Variants in SYNPR observed in about 807,000 individuals in gnomAD.
SYNPR encodes the protein synaptoporin.
In SYNPR, 23 loss-of-function variants were observed where a neutral mutation model predicts 32.9. That is an observed-to-expected ratio of 0.70 (90% confidence interval 0.50 to 0.99). SYNPR has a LOEUF of 0.99. Among genes scored for constraint, SYNPR ranks in the 50% least tolerant of loss-of-function variants. SYNPR has a pLI of 0.00. For missense variants in SYNPR, 318 were observed against 349.3 expected (o/e 0.91, Z 0.71); for synonymous variants, 146 against 135.9 (o/e 1.07, Z -0.52).
At chr3:63,429,964 G>C (rs1699963514) in intron 2 of SYNPR, among the ~76,000 whole-genome samples, 1 of 152,216 alleles carries the variant, frequency 6.6e-6, no homozygotes, top group Non-Finnish European at 1.5e-5. Context: ...TTAGGCTCTA[G>C]GTAAGGACCA....
chr3:63,481,583 G>C (rs1448032977), intron 3 of SYNPR, among the ~76,000 whole-genome samples: 1 of 152,052 alleles, frequency 6.6e-6, no homozygotes, highest in African/African-American at 2.4e-5. Flanking sequence ...TAGTTTTTAA[G>C]AGTAGAGCTG....
In SYNPR at chr3:63,338,886, C is replaced by T. The variant is rs193085796; in HGVS notation, c.84+60144C>T. 3.0e-4 allele frequency among the ~76,000 whole-genome samples: 45 copies of T among 152,350 alleles called. 1 individual carries two copies. The highest frequency in any genetic ancestry group is 9.8e-4 in the Admixed American group (15 of 15,308). On this transcript the variant is annotated intron_variant, in intron 2 of 5. Coordinates refer to ENST00000478300, the MANE Select transcript of SYNPR (RefSeq NM_001130003.2). ...TACCTTGTCTCCTTCAACTCTTACTCAATGTTGTAGCTCCTTCATGGGCCA... is the reference window on the plus strand; with the variant it reads ...TACCTTGTCTCCTTCAACTCTTACTTAATGTTGTAGCTCCTTCATGGGCCA...
At chr3:63,304,054 G>C (rs2086883413) in intron 2 of SYNPR, among the ~76,000 whole-genome samples, 1 of 151,970 alleles carries the variant, frequency 6.6e-6, no homozygotes. Context: ...GAGTGCTTTT[G>C]GCTTGCCTTT....
intron 2 of SYNPR, among the ~76,000 whole-genome samples, chr3:63,252,936 G>A (rs2086346283): frequency 6.6e-6 from 1 of 151,776 alleles, no homozygotes; most frequent in African/African-American, 2.4e-5. Context: ...CTACTTGGGA[G>A]GCTGAGGTGG....
At chr3:63,287,070 T>C (rs775836214) in intron 2 of SYNPR, among the ~76,000 whole-genome samples, 93 of 152,180 alleles carry the variant, frequency 6.1e-4, no homozygotes, top group Non-Finnish European at 6.0e-4. Flanking sequence ...CATGCCAGTC[T>C]CTTTGGTCTC....
the SYNPR span, among the ~76,000 whole-genome samples, chr3:63,204,193 A>G: frequency 1.3e-5 from 2 of 152,158 alleles, no homozygotes; most frequent in Non-Finnish European, 2.9e-5. Context: ...TGGATAAAAA[A>G]CAACACAAAT....
At chr3:63,218,780 T>G in the SYNPR span, among the ~76,000 whole-genome samples, 1 of 152,150 alleles carries the variant, frequency 6.6e-6, no homozygotes, top group African/African-American at 2.4e-5. Context: ...TTCCCCAAAT[T>G]ATATTAACAG....
At chr3:63,383,475 G>A (rs1309164558) in intron 2 of SYNPR, among the ~76,000 whole-genome samples, 1 of 152,006 alleles carries the variant, frequency 6.6e-6, no homozygotes, top group African/African-American at 2.4e-5. Context: ...CTACCACTTT[G>A]GGAGGCCAAG....
chr3:63,486,438 A>T (rs1701152245), intron 3 of SYNPR, among the ~76,000 whole-genome samples: 1 of 152,206 alleles, frequency 6.6e-6, no homozygotes, highest in Non-Finnish European at 1.5e-5. Flanking sequence ...AGAATCACCC[A>T]CAGTGCAAAC....
At chr3:63,511,133 G>T (rs1244332690) in intron 3 of SYNPR, among the ~76,000 whole-genome samples, 3 of 58,902 alleles carry the variant, frequency 5.1e-5, no homozygotes, top group African/African-American at 1.5e-4. Flanking sequence ...TGGGTATTGG[G>T]AATCATGGAC....
At chr3:63,242,368 C>T (rs911499255) in intron 1 of SYNPR, among the ~76,000 whole-genome samples, 1 of 152,028 alleles carries the variant, frequency 6.6e-6, no homozygotes, top group South Asian at 2.1e-4. Flanking sequence ...ATACTTGCAA[C>T]AAACCAGGAC....
At chr3:63,341,421 A>G (rs2087369886) in intron 2 of SYNPR, among the ~76,000 whole-genome samples, 1 of 152,202 alleles carries the variant, frequency 6.6e-6, no homozygotes, top group East Asian at 1.9e-4. Context: ...CTTTGAAAGA[A>G]ACTACCAGAC....
chr3:63,419,480 A>T (rs2088580091), intron 2 of SYNPR, among the ~76,000 whole-genome samples: 2 of 152,226 alleles, frequency 1.3e-5, no homozygotes, highest in Non-Finnish European at 2.9e-5. Flanking sequence ...GAACTCAGAC[A>T]GCCCTCATGT....
intron 2 of SYNPR, among the ~76,000 whole-genome samples, chr3:63,369,510 A>T (rs1415680908): frequency 6.6e-6 from 1 of 152,246 alleles, no homozygotes; most frequent in Non-Finnish European, 1.5e-5. Context: ...AACATAAGCT[A>T]TGTGATATTT....
chr3:63,208,302 A>T, the SYNPR span, among the ~76,000 whole-genome samples: 1,467 of 152,288 alleles, frequency 9.6e-3, 27 homozygotes, highest in African/African-American at 0.032. Context: ...TGTTTGGGAA[A>T]GATTAACTGC....
intron 2 of SYNPR, among the ~76,000 whole-genome samples, chr3:63,474,678 G>A (rs1700866646): frequency 6.6e-6 from 1 of 152,016 alleles, no homozygotes; most frequent in African/African-American, 2.4e-5. Flanking sequence ...TTTATTCCTG[G>A]GAGATTTGTT....
intron 2 of SYNPR, among the ~76,000 whole-genome samples, chr3:63,338,645 C>T (rs2087324667): frequency 6.6e-6 from 1 of 152,164 alleles, no homozygotes; most frequent in South Asian, 2.1e-4. Context: ...TCATGTTATT[C>T]ATTTCATTGT....
chr3:63,310,914 A>G (rs189748889), intron 2 of SYNPR, among the ~76,000 whole-genome samples: 4 of 151,924 alleles, frequency 2.6e-5, no homozygotes, highest in African/African-American at 9.7e-5. Flanking sequence ...ACTTATCCCA[A>G]TGTGGTAGAG....
intron 2 of SYNPR, among the ~76,000 whole-genome samples, chr3:63,265,241 C>CTTTTTTTTTTTTTTTTTTTT (rs71126590): frequency 4.9e-5 from 5 of 102,200 alleles, no homozygotes; most frequent in Non-Finnish European, 5.7e-5. Context: ...TAATGACATT[C>CTTTTTTTTTTTTTTTTTTTT]TTTTTTTTTT....
Sources: allele counts gnomAD v4.1 joint callset (sites outside exome capture counted in the v4.1 genomes callset), GRCh38; gene constraint gnomAD v4.1.1; transcripts MANE v1.5; gene names NCBI Gene and HGNC (gene_info 2026-07-23, HGNC 2026-07-21).